The following NSMCE1 variants were observed in gnomAD, a reference collection of about 807,000 sequenced individuals.
NSMCE1 encodes NSE1 component of SMC5/6 complex, also known as non-structural maintenance of chromosomes element 1 homolog.
In NSMCE1, 18 loss-of-function variants were observed where a neutral mutation model predicts 29.6. The ratio of observed to expected loss-of-function variants is 0.61; its 90% CI spans 0.42 to 0.90. The LOEUF (loss-of-function observed/expected upper bound fraction) is 0.90, where lower values mean the gene tolerates loss of function less well. Ranked by LOEUF, NSMCE1 falls within the 40% of genes least tolerant of loss-of-function variation. The pLI is 0.00. For missense variants in NSMCE1, 314 were observed against 343.6 expected, an observed-to-expected ratio of 0.91 and a Z score of 0.68; for synonymous variants, 124 against 133.4, an observed-to-expected ratio of 0.93 and a Z score of 0.49.
At position 27,257,407 on chromosome 16, in the gene NSMCE1, G is replaced by A. The variant is rs59275639; in HGVS notation, c.136+28C>T. On this transcript the variant is annotated intron_variant, in intron 2 of 7. Transcript: ENST00000361439. The stretch of plus-strand genomic sequence containing the variant: ...TCCCTGATCAACACAGCACCAGAGC[G>A]CCCTGGGAACAGGGAAACGGTACTC... The A allele has an allele frequency of 7.2e-3, 11,436 of 1,587,916 alleles. 416 individuals carry two copies. The African/African-American group carries it at 0.09, about 12-fold the overall frequency.
rs764864169 is a variant in NSMCE1 at position 27,225,784 on chromosome 16, C to G, written c.663G>C (p.Gln221His). The G allele has an allele frequency of 3.7e-6, 6 of 1,614,098 alleles. No individual in the cohort carries two copies. Among genetic ancestry groups the G allele is most frequent in the Non-Finnish European group, 5.1e-6 (6 of 1,180,040 alleles). ...MHLPCVAKYF[Q>H]SNAEPRCPHC... ...GGGGGCAGCGCGGTTCAGCATTCGA[C>G]TGGAAGTACTTGGCCACGCAGGGTA... is the stretch of plus-strand genomic sequence containing the variant. The change falls in exon 7 of 8, where the codon CAG (glutamine) becomes CAC (histidine). Residue 221 changes from glutamine to histidine, a missense_variant. Coordinates refer to ENST00000361439, the MANE Select transcript of NSMCE1 (RefSeq NM_145080.4).
At chr16:27,237,457 G>A (rs756084727) in intron 2 of NSMCE1, among the ~76,000 whole-genome samples, 4 of 152,196 alleles carry the variant, frequency 2.6e-5, no homozygotes, top group Non-Finnish European at 5.9e-5. Context: ...CGTGGGAGCC[G>A]AGCTGTTCCG....
chr16:27,265,270 C>T (rs1475890801), intron 1 of NSMCE1, among the ~76,000 whole-genome samples: 2 of 140,720 alleles, frequency 1.4e-5, no homozygotes, highest in Non-Finnish European at 3.0e-5. Context: ...TGGGCTCAAT[C>T]GATCCTCTGA....
intron 2 of NSMCE1, among the ~76,000 whole-genome samples, chr16:27,246,080 C>A (rs879679963): frequency 6.6e-6 from 1 of 152,076 alleles, no homozygotes; most frequent in African/African-American, 2.4e-5. Flanking sequence ...TCAATCAGCA[C>A]GCTGGAAACA....
At chr16:27,260,339 C>G (rs1386001078) in intron 1 of NSMCE1, among the ~76,000 whole-genome samples, 1 of 151,766 alleles carries the variant, frequency 6.6e-6, no homozygotes, top group African/African-American at 2.4e-5. Context: ...TTGCATTTTA[C>G]AATTTCTAGA....
At position 27,257,563 on chromosome 16, in the gene NSMCE1, C is replaced by T. The variant is rs770865488; in HGVS notation, c.8G>A (p.Gly3Asp). 6 of 1,611,174 alleles carry T rather than the reference C, an allele frequency of 3.7e-6. No individual in the cohort carries two copies. In the Admixed American group the frequency reaches 6.7e-5, roughly 18 times the overall value. ...CATGACGCCCATTCTCCTTGTGCTG[C>T]CCTGCATGTGGGAACGAACTGAAAA... MQ[G>D]STRRMGVMTD... The change falls in exon 2 of 8, where the codon GGC (glycine) becomes GAC (aspartate). Residue 3 changes from glycine (G) to aspartate (D), a missense_variant. Gly to Asp is a moderately conservative substitution (Grantham distance 94). Transcript: ENST00000361439.
chr16:27,252,089 T>C (rs2084041053), intron 2 of NSMCE1, among the ~76,000 whole-genome samples: 1 of 152,238 alleles, frequency 6.6e-6, no homozygotes, highest in African/African-American at 2.4e-5. Context: ...AGAAAGTTAC[T>C]TGGTCTTTCC....
At chr16:27,260,756 G>C (rs1036264560) in intron 1 of NSMCE1, among the ~76,000 whole-genome samples, 2 of 151,744 alleles carry the variant, frequency 1.3e-5, no homozygotes, top group Non-Finnish European at 2.9e-5. Flanking sequence ...CTATTTAGGA[G>C]GCTGAGGTGG....
chr16:27,233,318 T>G (rs1330944700), intron 4 of NSMCE1, among the ~76,000 whole-genome samples, 171 bp from the exon 5 acceptor site: 1 of 152,274 alleles, frequency 6.6e-6, no homozygotes, highest in Non-Finnish European at 1.5e-5. Flanking sequence ...GAGCCAGGAC[T>G]GTGCTCAGTT....
At chr16:27,235,328 G>C (rs749876826) in intron 2 of NSMCE1, 29 bp from the exon 3 acceptor site, 79 of 1,607,380 alleles carry the variant, frequency 4.9e-5, no homozygotes, top group Non-Finnish European at 6.6e-5. Flanking sequence ...AAAAAAGGGG[G>C]GTGACCAGGG....
At chr16:27,236,595 CT>C (rs1246502883) in intron 2 of NSMCE1, among the ~76,000 whole-genome samples, 3 of 152,024 alleles carry the variant, frequency 2.0e-5, no homozygotes, top group Non-Finnish European at 2.9e-5. Context: ...CCACGCCCAG[CT>C]TGTGCTGTGA....
chr16:27,262,683 G>GCAAAGATCT (rs1596700667), intron 1 of NSMCE1, among the ~76,000 whole-genome samples: 3 of 152,254 alleles, frequency 2.0e-5, no homozygotes, highest in East Asian at 1.9e-4. Flanking sequence ...ACAGGAACGG[G>GCAAAGATCT]CAAAGATCTC....
chr16:27,248,483 T>A (rs2083983347), intron 2 of NSMCE1, among the ~76,000 whole-genome samples: 1 of 141,430 alleles, frequency 7.1e-6, no homozygotes, highest in Non-Finnish European at 1.5e-5. Flanking sequence ...TGATCTCAGC[T>A]CACTGCAACC....
In NSMCE1 at chr16:27,264,518, T is replaced by C. The variant is rs116991841; in HGVS notation, c.-12+4188A>G. Among the ~76,000 whole-genome samples, 649 of 152,302 alleles carry C rather than the reference T, an allele frequency of 4.3e-3. 1 individual carries two copies. Among genetic ancestry groups the C allele is most frequent in the Non-Finnish European group, 6.9e-3 (467 of 68,038 alleles). ...CGGAAAGGTATACATATATGGATACTTGATGGCGGATGAAAGCAAACTTTC... is the reference window on the plus strand; with the variant it reads ...CGGAAAGGTATACATATATGGATACCTGATGGCGGATGAAAGCAAACTTTC... On this transcript the variant is annotated intron_variant, in intron 1 of 7. Coordinates refer to ENST00000361439, the MANE Select transcript of NSMCE1 (RefSeq NM_145080.4).
intron 1 of NSMCE1, among the ~76,000 whole-genome samples, chr16:27,264,493 C>T (rs1378003338): frequency 3.3e-5 from 5 of 152,090 alleles, no homozygotes; most frequent in African/African-American, 1.2e-4. Flanking sequence ...AACTCAGAAA[C>T]GGAAAGGTAT....
chr16:27,225,075 G>A lies in NSMCE1; in HGVS notation c.*82C>T. ...GAAAGAGGTGACTCGCGTGGAACCTGAAACACGGACGCCTTTCTTCCAAGA... is the reference window on the plus strand; with the variant it reads ...GAAAGAGGTGACTCGCGTGGAACCTAAAACACGGACGCCTTTCTTCCAAGA... On this transcript the variant is annotated 3_prime_UTR_variant, in exon 8 of 8. Coordinates refer to ENST00000361439, the MANE Select transcript of NSMCE1 (RefSeq NM_145080.4). The A allele has an allele frequency of 1.3e-6, 1 of 791,006 alleles. No homozygotes were observed. The highest frequency in any genetic ancestry group is 2.2e-6 in the Non-Finnish European group (1 of 458,996). 49.0% of individuals were successfully genotyped at this position (791,006 alleles called of 1,614,324 possible).
intron 2 of NSMCE1, chr16:27,241,844 G>C (rs1287581205): frequency 2.2e-6 from 1 of 455,506 alleles, no homozygotes; most frequent in Admixed American, 2.4e-5. Context: ...AGCCAGAAAG[G>C]ATCGCTGCTT....
At chr16:27,259,391 T>C (rs1318008268) in intron 1 of NSMCE1, among the ~76,000 whole-genome samples, 2 of 152,180 alleles carry the variant, frequency 1.3e-5, no homozygotes, top group Non-Finnish European at 2.9e-5. Context: ...TCGATGTACT[T>C]AGCACCCCCG....
intron 2 of NSMCE1, among the ~76,000 whole-genome samples, chr16:27,242,245 A>C (rs961274490): frequency 6.6e-6 from 1 of 152,228 alleles, no homozygotes. Context: ...CTAAAGAGAA[A>C]AATGAGTGTT....
Sources: gnomAD v4.1 joint callset for allele counts (sites outside exome capture counted in the v4.1 genomes callset) on GRCh38, gnomAD v4.1.1 for gene constraint, MANE v1.5 for transcripts, NCBI Gene and HGNC (gene_info 2026-07-23, HGNC 2026-07-21) for gene names.